The following GABBR2 variants were observed in gnomAD, a reference collection of about 807,000 sequenced individuals.
The protein encoded by GABBR2 is gamma-aminobutyric acid type B receptor subunit 2.
In GABBR2, 23 loss-of-function variants were observed where a neutral mutation model predicts 105.6. That is an observed-to-expected ratio of 0.22 (90% CI 0.16 to 0.31). GABBR2 has a LOEUF of 0.31. Among genes scored for constraint, GABBR2 ranks in the 10% least tolerant of loss-of-function variants. The probability of loss-of-function intolerance (pLI) is 1.00; values close to 1 mark genes in which losing one functional copy is unlikely to be tolerated. For synonymous variants in GABBR2, 478 were observed against 499.7 expected, an observed-to-expected ratio of 0.96 and a Z score of 0.58; for missense variants, 734 against 1,245.5, an observed-to-expected ratio of 0.59 and a Z score of 6.18.
chr9:98,447,778 A>G (rs1826162559), intron 7 of GABBR2, among the ~76,000 whole-genome samples: 1 of 150,002 alleles, frequency 6.7e-6, no homozygotes, highest in Non-Finnish European at 1.5e-5. Flanking sequence ...GTTTAACTCT[A>G]TGATGTCCTC....
chr9:98,442,638 T>A (rs1564070687), intron 7 of GABBR2, among the ~76,000 whole-genome samples: 2 of 152,202 alleles, frequency 1.3e-5, no homozygotes, highest in East Asian at 3.8e-4. Flanking sequence ...GCTTGGGCCA[T>A]CATCACAAAG....
At chr9:98,707,927 G>C (rs1163407201) in intron 1 of GABBR2, among the ~76,000 whole-genome samples, 1 of 152,230 alleles carries the variant, frequency 6.6e-6, no homozygotes, top group African/African-American at 2.4e-5. Context: ...TTGGGTTCCG[G>C]AGCCTTCCGG....
intron 1 of GABBR2, among the ~76,000 whole-genome samples, chr9:98,651,874 G>T (rs77216165): frequency 0.036 from 5,554 of 152,182 alleles, 339 homozygotes; most frequent in African/African-American, 0.13. Context: ...TTATATTAAA[G>T]AATTAATGTT....
intron 5 of GABBR2, among the ~76,000 whole-genome samples, chr9:98,478,955 A>C (rs1024419898): frequency 4.6e-5 from 7 of 152,114 alleles, no homozygotes; most frequent in Non-Finnish European, 7.4e-5. Context: ...GGGGATACCG[A>C]GTTTCTTTTG....
At chr9:98,372,823 A>G (rs1831808209) in intron 11 of GABBR2, among the ~76,000 whole-genome samples, 2 of 152,240 alleles carry the variant, frequency 1.3e-5, no homozygotes, top group Admixed American at 6.5e-5. Flanking sequence ...AATAGGAACT[A>G]TTTTTAGATT....
intron 7 of GABBR2, among the ~76,000 whole-genome samples, chr9:98,408,381 A>G (rs10818890): frequency 0.37 from 56,593 of 151,978 alleles, 11,227 homozygotes; most frequent in Admixed American, 0.53. Context: ...TGTGTAACTG[A>G]CTATGTTGAG....
At chr9:98,527,285 C>T (rs1588212671) in intron 3 of GABBR2, among the ~76,000 whole-genome samples, 1 of 152,036 alleles carries the variant, frequency 6.6e-6, no homozygotes, top group East Asian at 1.9e-4. Flanking sequence ...AGTCACCCAG[C>T]TGGCAAGTAG....
In GABBR2 at chr9:98,593,710, T is replaced by C. The variant is rs374982615; in HGVS notation, c.322-15638A>G. Among the ~76,000 whole-genome samples, 21 of 152,268 alleles carry C rather than the reference T, an allele frequency of 1.4e-4. No individual in the cohort carries two copies. In the East Asian group the frequency reaches 3.9e-3, roughly 28 times the overall value. On this transcript the variant is annotated intron_variant, in intron 1 of 18. Coordinates refer to ENST00000259455, the MANE Select transcript of GABBR2 (RefSeq NM_005458.8). Reference sequence around the variant, plus strand: ...TCCTTCCTAGCACACGGGCCAGAGCTATCCCGACAGCTCCCCCATGTGCAA... The same window carrying C: ...TCCTTCCTAGCACACGGGCCAGAGCCATCCCGACAGCTCCCCCATGTGCAA...
intron 11 of GABBR2, among the ~76,000 whole-genome samples, chr9:98,379,107 A>G (rs1831926674): frequency 6.6e-6 from 1 of 152,124 alleles, no homozygotes; most frequent in Admixed American, 6.5e-5. Flanking sequence ...AGCCCCTTTC[A>G]GCACTCAAGG....
rs768175983 is a variant in GABBR2 at position 98,371,582 on chromosome 9, T to C, written c.1663-11A>G. Reference sequence around the variant, plus strand: ...AATCCAGGTCCTGACCTAGAGGCCATGAGAAAACAGAGGCATTGACCTTCC... The same window carrying C: ...AATCCAGGTCCTGACCTAGAGGCCACGAGAAAACAGAGGCATTGACCTTCC... On this transcript the variant is annotated splice_polypyrimidine_tract_variant and intron_variant, in intron 11 of 18. Coordinates refer to ENST00000259455, the MANE Select transcript of GABBR2 (RefSeq NM_005458.8). The C allele has an allele frequency of 9.4e-6, 14 of 1,495,552 alleles. No individual in the cohort carries two copies. Among genetic ancestry groups the C allele is most frequent in the Middle Eastern group, 3.4e-4 (2 of 5,802 alleles). 92.6% of individuals were successfully genotyped at this position (1,495,552 alleles called of 1,614,324 possible).
chr9:98,479,297 T>G (rs2131640355), intron 5 of GABBR2, among the ~76,000 whole-genome samples: 1 of 152,298 alleles, frequency 6.6e-6, no homozygotes, highest in Non-Finnish European at 1.5e-5. Flanking sequence ...CTGCTGAGGG[T>G]TCACTGTACA....
At chr9:98,530,528 AG>A (rs1828046224) in intron 3 of GABBR2, among the ~76,000 whole-genome samples, 1 of 152,256 alleles carries the variant, frequency 6.6e-6, no homozygotes, top group Non-Finnish European at 1.5e-5. Context: ...CTGTAATACC[AG>A]CACTTTGGGA....
intron 1 of GABBR2, among the ~76,000 whole-genome samples, chr9:98,671,834 G>A (rs771036751): frequency 2.0e-5 from 3 of 152,196 alleles, no homozygotes; most frequent in South Asian, 2.1e-4. Flanking sequence ...ATGAGGTTGT[G>A]GTTAAGAGGC....
intron 13 of GABBR2, among the ~76,000 whole-genome samples, chr9:98,323,296 G>A (rs1830858783): frequency 1.3e-5 from 2 of 152,242 alleles, no homozygotes; most frequent in Admixed American, 1.3e-4. Context: ...GCCAGGCACT[G>A]CCAGCCACGA....
chr9:98,310,394 G>A (rs1024195338), intron 14 of GABBR2, among the ~76,000 whole-genome samples: 5 of 151,918 alleles, frequency 3.3e-5, no homozygotes, highest in Admixed American at 6.6e-5. Flanking sequence ...GATTACAGGC[G>A]CCCACAACCA....
At chr9:98,546,769 G>A (rs1261750645) in intron 2 of GABBR2, among the ~76,000 whole-genome samples, 1 of 59,378 alleles carries the variant, frequency 1.7e-5, no homozygotes, top group Admixed American at 2.3e-4. Context: ...TCATCTCATT[G>A]GCCATCTCTT....
chr9:98,563,458 C>T (rs749879918), intron 2 of GABBR2, among the ~76,000 whole-genome samples: 1 of 152,208 alleles, frequency 6.6e-6, no homozygotes, highest in East Asian at 1.9e-4. Flanking sequence ...GCTTCCCAAA[C>T]AAGTGGTGCT....
chr9:98,453,010 G>T (rs148401798), intron 7 of GABBR2, among the ~76,000 whole-genome samples: 1 of 152,216 alleles, frequency 6.6e-6, no homozygotes, highest in African/African-American at 2.4e-5. Context: ...CACTGTGTGC[G>T]CAGTCAACTT....
At chr9:98,527,137 G>A (rs1021572329) in intron 3 of GABBR2, among the ~76,000 whole-genome samples, 2 of 148,778 alleles carry the variant, frequency 1.3e-5, no homozygotes, top group African/African-American at 4.9e-5. Context: ...ATAAAATAGT[G>A]GGTATTCACT....
Sources: gnomAD v4.1 joint callset for allele counts (sites outside exome capture counted in the v4.1 genomes callset) on GRCh38, gnomAD v4.1.1 for gene constraint, MANE v1.5 for transcripts, NCBI Gene and HGNC (gene_info 2026-07-23, HGNC 2026-07-21) for gene names.